Variants in GRINA observed in about 807,000 individuals in gnomAD.
GRINA encodes the protein glutamate ionotropic receptor NMDA type subunit associated protein 1.
A neutral mutation model predicts 42.5 loss-of-function variants in GRINA; 26 were observed. That is an observed-to-expected ratio of 0.61 (90% CI 0.45 to 0.85). GRINA has a LOEUF of 0.85. GRINA is among the 40% of genes least tolerant of loss of function. The probability of loss-of-function intolerance (pLI) is 0.00; values close to 1 mark genes in which losing one functional copy is unlikely to be tolerated. For synonymous variants in GRINA, 256 were observed against 204.2 expected (o/e 1.25, Z -2.17); for missense variants, 475 against 481.5 (o/e 0.99, Z 0.13).
chr8:143,992,304 C>A lies in GRINA; in HGVS notation c.753C>A (p.Thr251=). Residue 251 remains threonine, a synonymous_variant, in exon 5 of 7, where the codon ACC becomes ACA. Transcript: ENST00000395068. ...MVGMIASFYN[T]EAVIMAVGIT... is the part of the protein sequence containing the mutation. ...GGATGATCGCCAGCTTCTACAACACCGAGGCAGTCATCATGGCCGTGGGCA... is the reference window on the plus strand; with the variant it reads ...GGATGATCGCCAGCTTCTACAACACAGAGGCAGTCATCATGGCCGTGGGCA... 1 of 1,589,422 alleles carries A rather than the reference C, an allele frequency of 6.3e-7. No homozygotes were observed. Among genetic ancestry groups the A allele is most frequent in the Non-Finnish European group, 8.6e-7 (1 of 1,165,954 alleles).
Position 143,991,555 on chromosome 8 carries a change from C to G in GRINA, c.332C>G (p.Pro111Arg), listed in dbSNP as rs782511266. 17 of 1,584,422 alleles carry G rather than the reference C, an allele frequency of 1.1e-5. No individual in the cohort carries two copies. Among genetic ancestry groups the G allele is most frequent in the African/African-American group, 1.4e-5 (1 of 74,010 alleles). ...QGPYPQSPFP[P>R]NPYGQPQVFP... The stretch of plus-strand genomic sequence containing the variant: ...CCATATCCCCAGAGCCCCTTCCCCC[C>G]CAACCCCTATGGACAGCCACAGGTC... The change falls in exon 2 of 7, where the codon CCC becomes CGC. Residue 111 changes from proline to arginine, a missense_variant. By Grantham distance (103) the Pro-to-Arg change is moderately radical. Transcript: ENST00000395068.
chr8:143,992,739 C>G lies in GRINA; in HGVS notation c.1014C>G (p.Ser338=), dbSNP rs1028539145. ...TGCTACTGGGGAACAAGCAGCTGTC[C>G]CTGAGCCCAGAAGAGTATGTGTTTG... The part of the protein sequence containing the change: ...TQLLLGNKQL[S]LSPEEYVFAA... Residue 338 remains serine (S), a synonymous_variant, in exon 7 of 7, where the codon TCC becomes TCG. Coordinates refer to ENST00000395068, the MANE Select transcript of GRINA (RefSeq NM_001009184.2). The G allele has an allele frequency of 1.2e-6, 2 of 1,613,838 alleles. No homozygotes were observed. The highest frequency in any genetic ancestry group is 1.7e-6 in the Non-Finnish European group (2 of 1,179,882).
intron 1 of GRINA, 158 bp from the exon 2 acceptor site, chr8:143,991,042 C>T (rs1235236246): frequency 1.9e-5 from 9 of 466,504 alleles, no homozygotes; most frequent in Non-Finnish European, 1.5e-5. Context: ...CGCGCTTCTC[C>T]GGGCCCAGGC....
rs1311640299 is a variant in GRINA, at chr8:143,991,520, C to T, written c.297C>T (p.Tyr99=). 2 of 1,541,448 alleles carry T rather than the reference C, an allele frequency of 1.3e-6. No individual in the cohort carries two copies. Among genetic ancestry groups the T allele is most frequent in the South Asian group, 1.2e-5 (1 of 84,928 alleles). The change falls in exon 2 of 7, where the codon TAC becomes TAT. Residue 99 remains tyrosine (Y), a synonymous_variant. Coordinates refer to ENST00000395068, the MANE Select transcript of GRINA (RefSeq NM_001009184.2). ...AGGGCCCCTACCCCCAAGGGGGCTA[C>T]CCCCAGGGGCCATATCCCCAGAGCC... ...YPQGPYPQGG[Y]PQGPYPQSPF... is the part of the protein sequence containing the mutation.
chr8:143,991,198 AG>A lies in GRINA; in HGVS notation c.-22del, dbSNP rs1206673710. 1.3e-6 allele frequency: 2 copies of A among 1,530,552 alleles called. No individual in the cohort carries two copies. Among genetic ancestry groups the A allele is most frequent in the African/African-American group, 2.8e-5 (2 of 71,186 alleles). The allele number at this position is 1,530,552 out of a possible 1,614,324, so 94.8% of individuals were successfully genotyped here. ...CCACTGTTCCTTGTCTGTCTTCTCT[AG>A]GGGCGGACCGCGGAACCCGAGGCCA... is the stretch of plus-strand genomic sequence containing the variant. On this transcript the variant is annotated splice_acceptor_variant, in intron 1 of 6. Coordinates refer to ENST00000395068, the MANE Select transcript of GRINA (RefSeq NM_001009184.2). LOFTEE classifies it low-confidence loss of function (5UTR_SPLICE).
chr8:143,991,199 G>A lies in GRINA; in HGVS notation c.-24-1G>A. On this transcript the variant is annotated splice_acceptor_variant, in intron 1 of 6. Transcript: ENST00000395068. LOFTEE classifies it low-confidence loss of function (5UTR_SPLICE). ...CACTGTTCCTTGTCTGTCTTCTCTA[G>A]GGGCGGACCGCGGAACCCGAGGCCA... 6.5e-7 allele frequency: 1 copy of A among 1,534,750 alleles called. No homozygotes were observed. The highest frequency in any genetic ancestry group is 8.8e-7 in the Non-Finnish European group (1 of 1,140,446).
rs1554750526 is a variant in GRINA at position 143,991,672 on chromosome 8, C to T, written c.380-20C>T. The T allele has an allele frequency of 1.3e-6, 2 of 1,597,664 alleles. No individual in the cohort carries two copies. The highest frequency in any genetic ancestry group is 1.1e-5 in the South Asian group (1 of 90,758). On this transcript the variant is annotated intron_variant, in intron 2 of 6. Coordinates refer to ENST00000395068, the MANE Select transcript of GRINA (RefSeq NM_001009184.2). The stretch of plus-strand genomic sequence containing the variant: ...GGAGGTGCTTGTGAGTGGCGCTGAC[C>T]CAGCCTGTCTGCTTCTCAGCACCCC...
In GRINA at chr8:143,992,664, C is replaced by G. The variant is rs782731620; in HGVS notation, c.967-28C>G. The stretch of plus-strand genomic sequence containing the variant: ...GGATGCTGGGCAGGCAGGCTTGTCC[C>G]TCAACACCACTGTGCTGTCACCTCC... On this transcript the variant is annotated intron_variant, in intron 6 of 6. Coordinates refer to ENST00000395068, the MANE Select transcript of GRINA (RefSeq NM_001009184.2). The G allele has an allele frequency of 5.6e-6, 9 of 1,613,770 alleles. No individual in the cohort carries two copies. The South Asian group carries it at 7.7e-5, about 14-fold the overall frequency.
At chr8:143,991,001 A>C in intron 1 of GRINA, 199 bp from the exon 2 acceptor site, 4 of 375,998 alleles carry the variant, frequency 1.1e-5, no homozygotes, top group East Asian at 4.5e-5. Flanking sequence ...AGCCCTGGGA[A>C]GGCCCCACGG....
chr8:143,993,243 CT>C lies in GRINA; in HGVS notation c.*403del, dbSNP rs2076794982. Reference sequence around the variant, plus strand: ...CTCCCCAGCCTGGCGTAGAGCACCCCTCCCCTCCCCCCCACCCCCCTGGAGT... The same window carrying C: ...CTCCCCAGCCTGGCGTAGAGCACCCCCCCCTCCCCCCCACCCCCCTGGAGT... On this transcript the variant is annotated 3_prime_UTR_variant, in exon 7 of 7. Coordinates refer to ENST00000395068, the MANE Select transcript of GRINA (RefSeq NM_001009184.2). 4.1e-6 allele frequency: 1 copy of C among 244,162 alleles called. No homozygotes were observed. Among genetic ancestry groups the C allele is most frequent in the Non-Finnish European group, 8.1e-6 (1 of 123,044 alleles). The allele number at this position is 244,162 out of a possible 1,614,324, so 15.1% of individuals were successfully genotyped here.
Position 143,991,361 on chromosome 8 carries a change from T to G in GRINA, c.138T>G (p.Pro46=). 2.6e-6 allele frequency: 3 copies of G among 1,158,248 alleles called. No homozygotes were observed. Among genetic ancestry groups the G allele is most frequent in the Admixed American group, 5.7e-5 (2 of 35,178 alleles). 71.7% of individuals were successfully genotyped at this position (1,158,248 alleles called of 1,614,324 possible). Residue 46 remains proline, a synonymous_variant, in exon 2 of 7, where the codon CCT becomes CCG. Transcript: ENST00000395068. ...CTGGGGCCCCTTACCCACAGCCCCCTTTCCAGCCCTCCCCCTACGGTCAGC... is the reference window on the plus strand; with the variant it reads ...CTGGGGCCCCTTACCCACAGCCCCCGTTCCAGCCCTCCCCCTACGGTCAGC... The part of the protein sequence containing the change: ...PYPGAPYPQP[P]FQPSPYGQPG...
chr8:143,991,055 C>CG, intron 1 of GRINA, 145 bp from the exon 2 acceptor site: 1 of 497,264 alleles, frequency 2.0e-6, no homozygotes, highest in East Asian at 3.4e-5. Context: ...GCCCAGGCTC[C>CG]GGGGCTCCCC....
intron 3 of GRINA, 34 bp from the exon 4 acceptor site, chr8:143,991,844 C>T: frequency 6.2e-7 from 1 of 1,609,350 alleles, no homozygotes; most frequent in South Asian, 1.1e-5. Flanking sequence ...GGCTGTGGCT[C>T]CCAGCGGATG....
At chr8:143,991,150 A>G (rs1834085656) in intron 1 of GRINA, 50 bp from the exon 2 acceptor site, 4 of 1,039,144 alleles carry the variant, frequency 3.8e-6, no homozygotes, top group Non-Finnish European at 5.6e-6. Flanking sequence ...CTGGGTCCCG[A>G]CGCTGTCGTC....
chr8:143,992,642 T>A (rs532105154), intron 6 of GRINA, 34 bp downstream of exon 6: 2 of 1,614,016 alleles, frequency 1.2e-6, no homozygotes, highest in African/African-American at 1.3e-5. Context: ...GGGGGCGGGA[T>A]GCTGGGCAGG....
chr8:143,991,718 G>A lies in GRINA; in HGVS notation c.406G>A (p.Glu136Lys), dbSNP rs782748192. The A allele has an allele frequency of 6.2e-7, 1 of 1,613,636 alleles. No individual in the cohort carries two copies. Among genetic ancestry groups the A allele is most frequent in the Non-Finnish European group, 8.5e-7 (1 of 1,179,642 alleles). ...ACCCCAGCATGGAAACTACCAGGAG[G>A]AGGGTCCCCCATCCTACTATGACAA... ...DSPQHGNYQEEGPPSYYDNQD... is the reference protein window; with the variant it reads ...DSPQHGNYQEKGPPSYYDNQD... Residue 136 changes from glutamate to lysine, a missense_variant, in exon 3 of 7, where the codon GAG (glutamate) becomes AAG (lysine). Physicochemically the swap from Glu to Lys is moderately conservative, Grantham distance 56. Around this residue, in one of 2 missense-constraint regions of GRINA, gnomAD observed 321 missense variants for 267.2 expected, o/e 1.20. Transcript: ENST00000395068.
rs370417876 is a variant in GRINA at position 143,992,405 on chromosome 8, G to A, written c.822+32G>A. On this transcript the variant is annotated intron_variant, in intron 5 of 6. Transcript: ENST00000395068. ...GGCCTCCCGTGGCTGGGCTGTGGCCGCAGGGGCTGAGCAGCTTTCCCAGGC... is the reference window on the plus strand; with the variant it reads ...GGCCTCCCGTGGCTGGGCTGTGGCCACAGGGGCTGAGCAGCTTTCCCAGGC... 1.8e-4 allele frequency: 296 copies of A among 1,610,616 alleles called. No individual in the cohort carries two copies. In the African/African-American group the frequency reaches 2.1e-3, roughly 11 times the overall value.
At chr8:143,992,142 C>A (rs781986924) in intron 4 of GRINA, 64 bp downstream of exon 4, 1 of 1,602,286 alleles carries the variant, frequency 6.2e-7, no homozygotes, top group South Asian at 1.1e-5. Context: ...GCCCACTCTT[C>A]CGGGCCTGGT....
chr8:143,991,342 C>A lies in GRINA; in HGVS notation c.119C>A (p.Ala40Asp). 1 of 1,369,768 alleles carries A rather than the reference C, an allele frequency of 7.3e-7. No individual in the cohort carries two copies. The allele number at this position is 1,369,768 out of a possible 1,614,324, so 84.9% of individuals were successfully genotyped here. Residue 40 changes from alanine to aspartate, a missense_variant, in exon 2 of 7, where the codon GCC becomes GAC. Around this residue, in one of 2 missense-constraint regions of GRINA, gnomAD observed 321 missense variants for 267.2 expected, o/e 1.20. Transcript: ENST00000395068. ...TATGCTCAGCCTCCCTACCCTGGGG[C>A]CCCTTACCCACAGCCCCCTTTCCAG... Reference protein sequence around the residue: ...PPYAQPPYPGAPYPQPPFQPS... With the variant: ...PPYAQPPYPGDPYPQPPFQPS...
Sources: allele counts gnomAD v4.1 joint callset, GRCh38; gene constraint gnomAD v4.1.1; regional missense constraint gnomAD v4.1.1; transcripts MANE v1.5; gene names NCBI Gene and HGNC (gene_info 2026-07-23, HGNC 2026-07-21).